The following MAPK8IP1 variants were observed in gnomAD, a reference collection of about 807,000 sequenced individuals.
The protein encoded by MAPK8IP1 is C-Jun-amino-terminal kinase-interacting protein 1.
In MAPK8IP1, 17 loss-of-function variants were observed where a neutral mutation model predicts 72.6. The ratio of observed to expected loss-of-function variants is 0.23; its 90% confidence interval spans 0.16 to 0.35. MAPK8IP1 has a LOEUF of 0.35. Among genes scored for constraint, MAPK8IP1 ranks in the 10% least tolerant of loss-of-function variants. The pLI is 1.00. For synonymous variants in MAPK8IP1, 401 were observed against 443.4 expected, an observed-to-expected ratio of 0.90 and a Z score of 1.20; for missense variants, 789 against 1,009.7, an observed-to-expected ratio of 0.78 and a Z score of 2.96.
chr11:45,898,958 C>T (rs967153514), intron 2 of MAPK8IP1, among the ~76,000 whole-genome samples: 2 of 152,204 alleles, frequency 1.3e-5, no homozygotes, highest in African/African-American at 4.8e-5. Context: ...CAGAGCTCCT[C>T]TGAGCCCCCA....
In MAPK8IP1 at chr11:45,903,344, G is replaced by A; in HGVS notation, c.1418-21G>A. On this transcript the variant is annotated intron_variant, in intron 5 of 11. Transcript: ENST00000241014. This position sits in a 1 kb window ranked among gnomAD's most constrained non-coding sequence, Gnocchi z 6.4. The stretch of plus-strand genomic sequence containing the variant: ...GATCAGAGCTGCGACCCCCCATCCA[G>A]CCACACCACCTCACCTGCAGGTGCT... The A allele has an allele frequency of 1.2e-6, 2 of 1,612,798 alleles. No individual in the cohort carries two copies. Among genetic ancestry groups the A allele is most frequent in the African/African-American group, 2.7e-5 (2 of 75,026 alleles).
rs749399273 is a variant in MAPK8IP1, at chr11:45,903,394, A to G, written c.1447A>G (p.Ile483Val). The change falls in exon 6 of 12, where the codon ATC becomes GTC. Residue 483 changes from isoleucine (I) to valine (V), a missense_variant. Physicochemically the swap from Ile to Val is conservative, Grantham distance 29 (BLOSUM62 3). This residue lies in a region of MAPK8IP1 where 377 missense variants were observed against 411.7 expected (regional missense o/e 0.92). Coordinates refer to ENST00000241014, the MANE Select transcript of MAPK8IP1 (RefSeq NM_005456.4). The surrounding 1 kb of genome is among the most constrained non-coding windows in gnomAD (Gnocchi z 6.4). ...TGAGTCCTTCGGGCTGTTCTCCTGC[A>G]TCATCAACGGGGAGGAGCAGGAGCA... is the stretch of plus-strand genomic sequence containing the variant. ...SAESFGLFSCIINGEEQEQTH... is the reference protein window; with the variant it reads ...SAESFGLFSCVINGEEQEQTH... The G allele has an allele frequency of 5.6e-6, 9 of 1,613,724 alleles. No individual in the cohort carries two copies. Among genetic ancestry groups the G allele is most frequent in the Non-Finnish European group, 6.8e-6 (8 of 1,180,002 alleles).
At chr11:45,905,423 T>C (rs1590789507) in intron 11 of MAPK8IP1, among the ~76,000 whole-genome samples, 174 bp downstream of exon 11, 2 of 152,232 alleles carry the variant, frequency 1.3e-5, no homozygotes, top group South Asian at 4.1e-4. Context: ...AGGGTGAGCC[T>C]GAGGAGCAGC....
intron 1 of MAPK8IP1, among the ~76,000 whole-genome samples, chr11:45,890,492 GGTTAGACAA>G (rs1222282453): frequency 2.6e-5 from 4 of 152,228 alleles, no homozygotes; most frequent in Admixed American, 6.5e-5. Context: ...ATGGGCCATG[GGTTAGACAA>G]GCTTGTTCTA....
At position 45,903,126 on chromosome 11, in the gene MAPK8IP1, C is replaced by T. The variant is rs143593836; in HGVS notation, c.1359C>T (p.Asp453=). Reference sequence around the variant, plus strand: ...AGGACTCCACGCCTGATGAACCCGACGTCCATTTCTCCAAGAAATTCCTGA... The same window carrying T: ...AGGACTCCACGCCTGATGAACCCGATGTCCATTTCTCCAAGAAATTCCTGA... ...LSEDSTPDEP[D]VHFSKKFLNV... is the part of the protein sequence containing the mutation. Residue 453 remains aspartate (D), a synonymous_variant, in exon 5 of 12, where the codon GAC becomes GAT. Transcript: ENST00000241014. This position sits in a 1 kb window ranked among gnomAD's most constrained non-coding sequence, Gnocchi z 6.4. 232 of 1,607,826 alleles carry T rather than the reference C, an allele frequency of 1.4e-4. No homozygotes were observed. The highest frequency in any genetic ancestry group is 1.8e-4 in the Non-Finnish European group (214 of 1,177,318).
chr11:45,900,104 C>A lies in MAPK8IP1; in HGVS notation c.208-34C>A. The A allele has an allele frequency of 8.4e-7, 1 of 1,186,710 alleles. No individual in the cohort carries two copies. The highest frequency in any genetic ancestry group is 4.5e-5 in the Admixed American group (1 of 22,262). 73.5% of individuals were successfully genotyped at this position (1,186,710 alleles called of 1,614,324 possible). A position where few individuals can be genotyped will look rare whatever the true frequency, so the allele number is the denominator to read the frequency against. The stretch of plus-strand genomic sequence containing the variant: ...CAAGCGGCCTCGGCCCCGCCCCGGC[C>A]CCGCCCCCTGACGCCCCTCCGTGCG... On this transcript the variant is annotated intron_variant, in intron 2 of 11. Transcript: ENST00000241014. This position sits in a 1 kb window ranked among gnomAD's most constrained non-coding sequence, Gnocchi z 6.5.
rs758319044 is a variant in MAPK8IP1, at chr11:45,896,862, G to A, written c.102-1223G>A. ...CAGCCCTGGGGCCCCGCAGCCCCCC[G>A]GCCGGGCAGGGCTCTCCATGCAGCT... On this transcript the variant is annotated intron_variant, in intron 1 of 11. Transcript: ENST00000241014. 2.3e-5 allele frequency: 36 copies of A among 1,549,546 alleles called. 1 individual carries two copies. The highest frequency in any genetic ancestry group is 2.2e-4 in the Middle Eastern group (1 of 4,478).
rs1225411645 is a variant in MAPK8IP1 at position 45,900,481 on chromosome 11, C to T, written c.522+29C>T. 2.6e-6 allele frequency: 4 copies of T among 1,530,010 alleles called. No homozygotes were observed. In the South Asian group the frequency reaches 4.8e-5, roughly 18 times the overall value. The allele number at this position is 1,530,010 out of a possible 1,614,324, so 94.8% of individuals were successfully genotyped here. On this transcript the variant is annotated intron_variant, in intron 3 of 11. Transcript: ENST00000241014. The surrounding 1 kb of genome is among the most constrained non-coding windows in gnomAD (Gnocchi z 6.5). ...AGGCGCCAACGTGGGGGGCGGCGCC[C>T]TGGGCCGCCGCGGAGATGTGAGGGG...
Position 45,905,545 on chromosome 11 carries a change from C to T in MAPK8IP1, c.2064-104C>T, listed in dbSNP as rs2086701024. The T allele has an allele frequency of 4.9e-6, 5 of 1,019,144 alleles. No individual in the cohort carries two copies. The South Asian group carries it at 6.3e-5, about 13-fold the overall frequency. The allele number at this position is 1,019,144 out of a possible 1,614,324, so 63.1% of individuals were successfully genotyped here. A position where few individuals can be genotyped will look rare whatever the true frequency, so the allele number is the denominator to read the frequency against. Reference sequence around the variant, plus strand: ...GTGGCCCCAGCCAGAGGAACCAGAGCTGCACTTGGGCCCCAAGGCTCCAGC... The same window carrying T: ...GTGGCCCCAGCCAGAGGAACCAGAGTTGCACTTGGGCCCCAAGGCTCCAGC... On this transcript the variant is annotated intron_variant, in intron 11 of 11. Transcript: ENST00000241014.
In MAPK8IP1 at chr11:45,898,133, G is replaced by T. The variant is rs190170522; in HGVS notation, c.150G>T (p.Ser50=). 1.9e-6 allele frequency: 3 copies of T among 1,613,780 alleles called. No homozygotes were observed. In the East Asian group the frequency reaches 6.7e-5, roughly 36 times the overall value. The change falls in exon 2 of 12, where the codon TCG becomes TCT. Residue 50 remains serine, a synonymous_variant. Transcript: ENST00000241014. ...AGGAGTTTGAGGATGAAGACCTCTC[G>T]GAGATCACTGATGAGTGTGGCATCA... The part of the protein sequence containing the change: ...SLEEFEDEDL[S]EITDECGISL...
Position 45,900,595 on chromosome 11 carries a change from C to T in MAPK8IP1, c.522+143C>T. 3.2e-6 allele frequency: 3 copies of T among 939,986 alleles called. 1 individual carries two copies. The highest frequency in any genetic ancestry group is 3.3e-5 in the South Asian group (2 of 59,728). 58.2% of individuals were successfully genotyped at this position (939,986 alleles called of 1,614,324 possible). A position where few individuals can be genotyped will look rare whatever the true frequency, so the allele number is the denominator to read the frequency against. ...CATAGGGGCCGCGGTGGCTCGCTCCCGGTGTTGGGATCCGAGGAGCGGGCA... is the reference window on the plus strand; with the variant it reads ...CATAGGGGCCGCGGTGGCTCGCTCCTGGTGTTGGGATCCGAGGAGCGGGCA... On this transcript the variant is annotated intron_variant, in intron 3 of 11. Transcript: ENST00000241014. The surrounding 1 kb of genome is among the most constrained non-coding windows in gnomAD (Gnocchi z 6.5).
In MAPK8IP1 at chr11:45,906,073, G is replaced by A. The variant is rs1410814616; in HGVS notation, c.*352G>A. 1 of 461,822 alleles carries A rather than the reference G, an allele frequency of 2.2e-6. No individual in the cohort carries two copies. The highest frequency in any genetic ancestry group is 4.0e-6 in the Non-Finnish European group (1 of 252,312). 28.6% of individuals were successfully genotyped at this position (461,822 alleles called of 1,614,324 possible). ...TCCCCTGCCAGGGCTCGGGCGCTGTGGCTCCTGCCTTGATGAAGCCCGTGT... is the reference window on the plus strand; with the variant it reads ...TCCCCTGCCAGGGCTCGGGCGCTGTAGCTCCTGCCTTGATGAAGCCCGTGT... On this transcript the variant is annotated 3_prime_UTR_variant, in exon 12 of 12. Transcript: ENST00000241014.
intron 1 of MAPK8IP1, among the ~76,000 whole-genome samples, chr11:45,897,688 G>C (rs995209720): frequency 1.3e-5 from 2 of 152,216 alleles, no homozygotes; most frequent in East Asian, 1.9e-4. Flanking sequence ...GATTGCACTG[G>C]GAGCTCCCCT....
intron 1 of MAPK8IP1, chr11:45,896,589 C>T (rs1377438327): frequency 8.5e-6 from 11 of 1,288,084 alleles, no homozygotes; most frequent in Admixed American, 6.5e-5. Context: ...GCGGCCACAG[C>T]GGCAGCAGCG....
Position 45,903,892 on chromosome 11 carries a change from C to T in MAPK8IP1, c.1494-97C>T, listed in dbSNP as rs2086679222. Reference sequence around the variant, plus strand: ...CACAGGATGCTTTTGCAAATGTTTACTGAAATAACGATGCTGCTGTGGCTC... The same window carrying T: ...CACAGGATGCTTTTGCAAATGTTTATTGAAATAACGATGCTGCTGTGGCTC... On this transcript the variant is annotated intron_variant, in intron 6 of 11. Transcript: ENST00000241014. This position sits in a 1 kb window ranked among gnomAD's most constrained non-coding sequence, Gnocchi z 6.4. The T allele has an allele frequency of 2.6e-6, 3 of 1,169,328 alleles. No homozygotes were observed. The highest frequency in any genetic ancestry group is 1.5e-5 in the African/African-American group (1 of 66,494). 72.4% of individuals were successfully genotyped at this position (1,169,328 alleles called of 1,614,324 possible).
rs2086706373 is a variant in MAPK8IP1 at position 45,906,068 on chromosome 11, G to A, written c.*347G>A. ...TTACCTCCCCTGCCAGGGCTCGGGC[G>A]CTGTGGCTCCTGCCTTGATGAAGCC... On this transcript the variant is annotated 3_prime_UTR_variant, in exon 12 of 12. Transcript: ENST00000241014. The A allele has an allele frequency of 2.1e-5, 10 of 467,418 alleles. No individual in the cohort carries two copies. The highest frequency in any genetic ancestry group is 6.1e-4 in the Middle Eastern group (1 of 1,648). The allele number at this position is 467,418 out of a possible 1,614,324, so 29.0% of individuals were successfully genotyped here.
chr11:45,888,277 A>G (rs1450935982), intron 1 of MAPK8IP1, among the ~76,000 whole-genome samples: 2 of 152,214 alleles, frequency 1.3e-5, no homozygotes, highest in Non-Finnish European at 2.9e-5. Context: ...TAGTTACTCA[A>G]TAACAGTGGT....
At chr11:45,905,392 C>G in intron 11 of MAPK8IP1, 143 bp downstream of exon 11, 1 of 874,652 alleles carries the variant, frequency 1.1e-6, no homozygotes, top group Non-Finnish European at 1.9e-6. Flanking sequence ...TGCGGGTGGC[C>G]TGGAGGGAGG....
chr11:45,904,460 G>A lies in MAPK8IP1; in HGVS notation c.1672G>A (p.Ala558Thr), dbSNP rs1415487928. The A allele has an allele frequency of 6.2e-7, 1 of 1,613,740 alleles. No individual in the cohort carries two copies. Among genetic ancestry groups the A allele is most frequent in the Non-Finnish European group, 8.5e-7 (1 of 1,179,862 alleles). ...TKEPEHMAAL[A>T]KNSDWVDQFR... Reference sequence around the variant, plus strand: ...AATTCACGCTTGCTTTCCAGCCCTGGCCAAAAACAGTGACTGGGTGGACCA... The same window carrying A: ...AATTCACGCTTGCTTTCCAGCCCTGACCAAAAACAGTGACTGGGTGGACCA... Residue 558 changes from alanine (A) to threonine (T), a missense_variant, in exon 8 of 12, where the codon GCC becomes ACC. Ala to Thr is a moderately conservative substitution (Grantham distance 58). Transcript: ENST00000241014. This position sits in a 1 kb window ranked among gnomAD's most constrained non-coding sequence, Gnocchi z 6.4.
Sources: allele counts gnomAD v4.1 joint callset (sites outside exome capture counted in the v4.1 genomes callset), GRCh38; gene constraint gnomAD v4.1.1; regional missense constraint gnomAD v4.1.1; non-coding constraint Gnocchi (gnomAD v3.1); transcripts MANE v1.5; gene names NCBI Gene and HGNC (gene_info 2026-07-23, HGNC 2026-07-21).